The following NCAM2 variants were observed in gnomAD, a reference collection of about 807,000 sequenced individuals.
The protein encoded by NCAM2 is N-CAM-2.
Under a neutral mutation model 98.1 loss-of-function variants are expected in NCAM2, and 30 were observed. The ratio of observed to expected loss-of-function variants is 0.31; its 90% CI spans 0.23 to 0.41. The LOEUF (loss-of-function observed/expected upper bound fraction) is 0.41, where lower values mean the gene tolerates loss of function less well. Ranked by LOEUF, NCAM2 falls within the 10% of genes least tolerant of loss-of-function variation. The probability of loss-of-function intolerance (pLI) is 1.00; values close to 1 mark genes in which losing one functional copy is unlikely to be tolerated. For missense variants in NCAM2, 867 were observed against 1,005.8 expected (o/e 0.86, Z 1.87); for synonymous variants, 368 against 342.4 (o/e 1.07, Z -0.83).
At chr21:21,384,220 T>A (rs1011070806) in intron 9 of NCAM2, among the ~76,000 whole-genome samples, 4 of 152,072 alleles carry the variant, frequency 2.6e-5, no homozygotes, top group African/African-American at 9.6e-5. Flanking sequence ...CAAAAGAAAA[T>A]CTTTAAGATC....
At chr21:21,430,305 T>A (rs1003604967) in intron 11 of NCAM2, among the ~76,000 whole-genome samples, 1 of 149,534 alleles carries the variant, frequency 6.7e-6, no homozygotes, top group Non-Finnish European at 1.5e-5. Flanking sequence ...GTGATTACAG[T>A]TGTAAGCCAT....
intron 1 of NCAM2, among the ~76,000 whole-genome samples, chr21:21,214,660 A>G (rs371365672): frequency 6.8e-6 from 1 of 148,006 alleles, no homozygotes; most frequent in East Asian, 2.0e-4. Flanking sequence ...ATAAATAACC[A>G]GTGTGTTTTG....
intron 13 of NCAM2, 104 bp from the exon 14 acceptor site, chr21:21,468,558 A>G: frequency 1.8e-6 from 2 of 1,117,914 alleles, no homozygotes; most frequent in East Asian, 2.8e-5. Context: ...AATCCAGGAT[A>G]ACACCATATA....
At chr21:21,149,742 T>G (rs1351961330) in intron 1 of NCAM2, among the ~76,000 whole-genome samples, 2 of 152,084 alleles carry the variant, frequency 1.3e-5, no homozygotes, top group Non-Finnish European at 2.9e-5. Context: ...AAGGACATGA[T>G]CTCATTATTT....
chr21:21,534,482 A>G (rs558261758), intron 16 of NCAM2, 55 bp from the exon 17 acceptor site: 107 of 1,381,580 alleles, frequency 7.7e-5, no homozygotes, highest in African/African-American at 6.3e-4. Flanking sequence ...GTTTTTTTCC[A>G]TAATGCATCC....
At chr21:21,118,335 G>A (rs561430512) in intron 1 of NCAM2, among the ~76,000 whole-genome samples, 2 of 152,234 alleles carry the variant, frequency 1.3e-5, no homozygotes, top group South Asian at 4.1e-4. Context: ...GATGCAGCGG[G>A]GGGGCAGGCT....
chr21:21,157,051 A>ATT lies in NCAM2; in HGVS notation c.56-123519_56-123518dup, dbSNP rs35519695. Among the ~76,000 whole-genome samples, 436 of 151,114 alleles carry ATT rather than the reference A, an allele frequency of 2.9e-3. 1 individual carries two copies. The highest frequency in any genetic ancestry group is 6.9e-3 in the Admixed American group (104 of 15,170). On this transcript the variant is annotated intron_variant, in intron 1 of 17. Coordinates refer to ENST00000400546, the MANE Select transcript of NCAM2 (RefSeq NM_004540.5). The stretch of plus-strand genomic sequence containing the variant: ...CAGAGCAGCAGCTGTATTCCTACAG[A>ATT]TTTTTTTTTCACTTTTTTCTAATAG...
At chr21:21,420,327 G>A (rs13051507) in intron 11 of NCAM2, among the ~76,000 whole-genome samples, 35,086 of 151,720 alleles carry the variant, frequency 0.23, 4,229 homozygotes, top group East Asian at 0.32. Context: ...CAGAAAGCCA[G>A]ATATTGTTTA....
intron 1 of NCAM2, among the ~76,000 whole-genome samples, chr21:21,116,585 C>T (rs563143691): frequency 7.2e-5 from 11 of 152,172 alleles, no homozygotes; most frequent in African/African-American, 1.7e-4. Flanking sequence ...CCGGGCGCAG[C>T]GGCTCACGCC....
At position 21,415,404 on chromosome 21, in the gene NCAM2, C is replaced by T. The variant is rs555174823; in HGVS notation, c.1384-3069C>T. ...CCCAGGCTGTGTAGTGGCGCGATCT[C>T]GGCTCAGTGCAAGCTCTGCCTCCCG... On this transcript the variant is annotated intron_variant, in intron 10 of 17. Transcript: ENST00000400546. Among the ~76,000 whole-genome samples the T allele has an allele frequency of 2.4e-3, 326 of 135,748 alleles. 4 individuals carry two copies. The highest frequency in any genetic ancestry group is 9.2e-4 in the African/African-American group (33 of 35,904). The allele number at this position is 135,748 out of a possible 152,430, so 89.1% of individuals were successfully genotyped here. A position where few individuals can be genotyped will look rare whatever the true frequency, so the allele number is the denominator to read the frequency against.
chr21:21,076,328 C>T (rs1355280130), intron 1 of NCAM2, among the ~76,000 whole-genome samples: 4 of 152,044 alleles, frequency 2.6e-5, no homozygotes, highest in Non-Finnish European at 5.9e-5. Context: ...AAAGCATGTT[C>T]TTCAGTTTCT....
chr21:21,174,566 T>G (rs989788942), intron 1 of NCAM2, among the ~76,000 whole-genome samples: 2 of 152,144 alleles, frequency 1.3e-5, no homozygotes, highest in African/African-American at 4.8e-5. Flanking sequence ...TCCCACAGAC[T>G]ATGTTTCTGG....
chr21:21,207,901 A>C (rs2069504584), intron 1 of NCAM2, among the ~76,000 whole-genome samples: 1 of 152,216 alleles, frequency 6.6e-6, no homozygotes, highest in Non-Finnish European at 1.5e-5. Context: ...CTTCCTTTTC[A>C]TATGACTTGT....
At chr21:21,080,681 C>CAAAAAA (rs1491234603) in intron 1 of NCAM2, among the ~76,000 whole-genome samples, 3 of 60,892 alleles carry the variant, frequency 4.9e-5, no homozygotes, top group African/African-American at 2.3e-4. Context: ...AAAAAAAAAA[C>CAAAAAA]CAACATTGAT....
chr21:21,444,250 G>A (rs570060136), intron 12 of NCAM2, among the ~76,000 whole-genome samples: 321 of 152,270 alleles, frequency 2.1e-3, no homozygotes, highest in African/African-American at 7.4e-3. Context: ...TTTTATTGAG[G>A]ATTTTCATAC....
Position 21,451,657 on chromosome 21 carries a change from T to G in NCAM2, c.1655-14949T>G, listed in dbSNP as rs772318312. 3.9e-4 allele frequency among the ~76,000 whole-genome samples: 60 copies of G among 152,158 alleles called. 1 individual carries two copies. The highest frequency in any genetic ancestry group is 2.0e-3 in the Admixed American group (31 of 15,264). ...AATATGTGCTACTTCTACTGGGTTA[T>G]CTAACATTAAAGACAAAAGGGAATC... is the stretch of plus-strand genomic sequence containing the variant. On this transcript the variant is annotated intron_variant, in intron 12 of 17. Coordinates refer to ENST00000400546, the MANE Select transcript of NCAM2 (RefSeq NM_004540.5).
chr21:21,405,343 C>G (rs2076718643), intron 9 of NCAM2, among the ~76,000 whole-genome samples: 1 of 152,064 alleles, frequency 6.6e-6, no homozygotes, highest in Non-Finnish European at 1.5e-5. Context: ...ATTTTAACCT[C>G]TTAATGCCTC....
chr21:21,120,546 T>C (rs926820255), intron 1 of NCAM2, among the ~76,000 whole-genome samples: 2 of 152,118 alleles, frequency 1.3e-5, no homozygotes, highest in African/African-American at 4.8e-5. Context: ...AGCCTGCGTG[T>C]TCACAGGCGG....
At chr21:21,293,464 C>T (rs554086047) in intron 5 of NCAM2, among the ~76,000 whole-genome samples, 1 of 151,828 alleles carries the variant, frequency 6.6e-6, no homozygotes, top group South Asian at 2.1e-4. Context: ...TCCACCCCTT[C>T]CCTAAGCATT....
Sources: allele counts gnomAD v4.1 joint callset (sites outside exome capture counted in the v4.1 genomes callset), GRCh38; gene constraint gnomAD v4.1.1; transcripts MANE v1.5; gene names NCBI Gene and HGNC (gene_info 2026-07-23, HGNC 2026-07-21).